PCDH9: variants seen among roughly 807,000 people sequenced by gnomAD.
The protein encoded by PCDH9 is protocadherin-9.
Under a neutral mutation model 70.6 loss-of-function variants are expected in PCDH9, and 24 were observed. The ratio of observed to expected loss-of-function variants is 0.34; its 90% CI spans 0.25 to 0.48. The LOEUF is 0.48. PCDH9 is among the 20% of genes least tolerant of loss of function. The pLI is 0.99. For synonymous variants in PCDH9, 562 were observed against 558.5 expected, an observed-to-expected ratio of 1.01 and a Z score of -0.09; for missense variants, 1,281 against 1,503.6, an observed-to-expected ratio of 0.85 and a Z score of 2.45.
chr13:66,401,522 T>C (rs1468405669), intron 4 of PCDH9, among the ~76,000 whole-genome samples: 1 of 152,116 alleles, frequency 6.6e-6, no homozygotes, highest in Non-Finnish European at 1.5e-5. Context: ...ATCTCAGGTA[T>C]GTCTTTATTA....
intron 2 of PCDH9, among the ~76,000 whole-genome samples, chr13:67,153,167 G>GT (rs35270745): frequency 0.034 from 4,973 of 146,110 alleles, 106 homozygotes; most frequent in Non-Finnish European, 0.048. Context: ...CCCTTTCACA[G>GT]TTTTTTTTTT....
chr13:66,979,496 T>C (rs918331085), intron 2 of PCDH9, among the ~76,000 whole-genome samples: 3 of 152,312 alleles, frequency 2.0e-5, no homozygotes, highest in African/African-American at 7.2e-5. Flanking sequence ...CCATTCCCTT[T>C]GTTCCACCTT....
intron 3 of PCDH9, among the ~76,000 whole-genome samples, chr13:66,786,388 G>A (rs1383136004): frequency 2.6e-5 from 4 of 152,152 alleles, no homozygotes; most frequent in Non-Finnish European, 5.9e-5. Flanking sequence ...TATGCTGTAT[G>A]CTTAGGGGAA....
At chr13:66,631,834 A>T (rs1192275416) in intron 3 of PCDH9, among the ~76,000 whole-genome samples, 1 of 152,174 alleles carries the variant, frequency 6.6e-6, no homozygotes, top group Non-Finnish European at 1.5e-5. Context: ...TGCTTACTTG[A>T]TGTTTTTAGG....
chr13:66,344,367 C>T (rs1460838305), intron 4 of PCDH9, among the ~76,000 whole-genome samples: 1 of 152,110 alleles, frequency 6.6e-6, no homozygotes, highest in Non-Finnish European at 1.5e-5. Flanking sequence ...CTCAGGTGAT[C>T]CACCCATCTC....
intron 3 of PCDH9, among the ~76,000 whole-genome samples, chr13:66,689,934 T>A (rs1337901687): frequency 2.0e-5 from 3 of 152,204 alleles, no homozygotes; most frequent in Non-Finnish European, 4.4e-5. Context: ...TCGAGATATA[T>A]CCTAAGTATT....
In PCDH9 at chr13:67,089,577, T is replaced by C. The variant is rs369219936; in HGVS notation, c.3036+135828A>G. Among the ~76,000 whole-genome samples, 5 of 152,168 alleles carry C rather than the reference T, an allele frequency of 3.3e-5. No individual in the cohort carries two copies. The South Asian group carries it at 6.2e-4, about 19-fold the overall frequency. On this transcript the variant is annotated intron_variant, in intron 2 of 4. Coordinates refer to ENST00000377865, the MANE Select transcript of PCDH9 (RefSeq NM_203487.3). ...GTCAAGCAACATAGAGTTTTGTGAA[T>C]ATTTTGCAATTTTTTAAATAAAAAT... is the stretch of plus-strand genomic sequence containing the variant.
chr13:66,791,615 A>C (rs969766216), intron 3 of PCDH9, among the ~76,000 whole-genome samples: 1 of 152,182 alleles, frequency 6.6e-6, no homozygotes, highest in African/African-American at 2.4e-5. Flanking sequence ...AATGTATAAT[A>C]ATGTATTACA....
chr13:66,930,003 T>C (rs1312015153), intron 2 of PCDH9, among the ~76,000 whole-genome samples: 3 of 152,178 alleles, frequency 2.0e-5, no homozygotes, highest in Non-Finnish European at 4.4e-5. Context: ...GAGAATTTTA[T>C]CTCTGCCTTC....
intron 2 of PCDH9, among the ~76,000 whole-genome samples, chr13:67,023,022 C>T (rs925168810): frequency 2.6e-5 from 4 of 152,198 alleles, no homozygotes; most frequent in African/African-American, 7.2e-5. Flanking sequence ...CCAAATCAAA[C>T]CAATCACTGC....
At chr13:66,758,123 T>C (rs933020874) in intron 3 of PCDH9, among the ~76,000 whole-genome samples, 3 of 152,114 alleles carry the variant, frequency 2.0e-5, no homozygotes, top group Non-Finnish European at 2.9e-5. Flanking sequence ...ATGTACAACA[T>C]GCTGTTATGA....
intron 2 of PCDH9, among the ~76,000 whole-genome samples, chr13:67,158,689 C>T (rs544684588): frequency 6.6e-6 from 1 of 152,320 alleles, no homozygotes; most frequent in South Asian, 2.1e-4. Context: ...AATAAATTTG[C>T]TGTTGAAGCC....
At chr13:66,553,195 CACTA>C (rs1961571566) in intron 4 of PCDH9, among the ~76,000 whole-genome samples, 1 of 152,154 alleles carries the variant, frequency 6.6e-6, no homozygotes, top group Admixed American at 6.6e-5. Flanking sequence ...AACAAAAAAT[CACTA>C]ACTATTTTGA....
chr13:66,794,970 C>T (rs1048120028), intron 3 of PCDH9, among the ~76,000 whole-genome samples: 1 of 58,782 alleles, frequency 1.7e-5, no homozygotes, highest in African/African-American at 5.0e-5. Flanking sequence ...CAAACGGACA[C>T]ACACAGGCAC....
At chr13:66,947,434 C>G (rs2083107019) in intron 2 of PCDH9, among the ~76,000 whole-genome samples, 1 of 151,834 alleles carries the variant, frequency 6.6e-6, no homozygotes, top group African/African-American at 2.4e-5. Flanking sequence ...AAAAAATACC[C>G]CTTATTATGA....
chr13:66,794,645 T>C (rs886148176), intron 3 of PCDH9, among the ~76,000 whole-genome samples: 2 of 152,164 alleles, frequency 1.3e-5, no homozygotes, highest in Admixed American at 6.5e-5. Flanking sequence ...CAAGGAAGAA[T>C]GGCTGGCAGT....
At chr13:66,580,091 TA>T (rs2076869255) in intron 4 of PCDH9, among the ~76,000 whole-genome samples, 1 of 152,208 alleles carries the variant, frequency 6.6e-6, no homozygotes, top group East Asian at 1.9e-4. Context: ...AAGTCTAATA[TA>T]AATATGTTAG....
intron 3 of PCDH9, among the ~76,000 whole-genome samples, chr13:66,820,587 T>C (rs1462144243): frequency 2.0e-5 from 3 of 152,052 alleles, no homozygotes; most frequent in African/African-American, 7.3e-5. Context: ...AGCAAAGACA[T>C]GGAATCAACC....
chr13:66,484,923 G>A (rs1346985327), intron 4 of PCDH9, among the ~76,000 whole-genome samples: 1 of 152,196 alleles, frequency 6.6e-6, no homozygotes, highest in African/African-American at 2.4e-5. Flanking sequence ...TATTTGTTAT[G>A]AAATAAAGGA....
Sources: gnomAD v4.1 joint callset for allele counts (sites outside exome capture counted in the v4.1 genomes callset) on GRCh38, gnomAD v4.1.1 for gene constraint, MANE v1.5 for transcripts, NCBI Gene and HGNC (gene_info 2026-07-23, HGNC 2026-07-21) for gene names.